The following PCBP3 variants were observed in gnomAD, a reference collection of about 807,000 sequenced individuals.
PCBP3 encodes poly(rC) binding protein 3.
In PCBP3, 25 loss-of-function variants were observed where a neutral mutation model predicts 52.7. The observed-to-expected ratio is 0.47, with a 90% CI of 0.35 to 0.66. PCBP3 has a LOEUF of 0.66. PCBP3 is among the 30% of genes least tolerant of loss of function. PCBP3 has a pLI of 0.01. For synonymous variants in PCBP3, 162 were observed against 183.0 expected (o/e 0.89, Z 0.93); for missense variants, 391 against 490.3 (o/e 0.80, Z 1.91).
At chr21:45,926,782 TAGA>T (rs1486292889) in intron 13 of PCBP3, among the ~76,000 whole-genome samples, 1 of 150,776 alleles carries the variant, frequency 6.6e-6, no homozygotes, top group Non-Finnish European at 1.5e-5. Context: ...GGAGAAAATA[TAGA>T]AGAATGTCCT....
intron 4 of PCBP3, among the ~76,000 whole-genome samples, chr21:45,841,945 G>C (rs1472640105): frequency 1.3e-5 from 2 of 152,232 alleles, no homozygotes; most frequent in Non-Finnish European, 2.9e-5. Context: ...TCCACGCTGA[G>C]CTGTTTGTTG....
chr21:45,736,887 G>T lies in PCBP3; in HGVS notation c.-162+1458G>T, dbSNP rs1329230870. Among the ~76,000 whole-genome samples the T allele has an allele frequency of 6.6e-6, 1 of 152,150 alleles. No homozygotes were observed. Among genetic ancestry groups the T allele is most frequent in the Non-Finnish European group, 1.5e-5 (1 of 68,024 alleles). ...GTCAGGGGGTGACAGTGGCTGTGGA[G>T]GAAACAGGGAAGGGCAGGGTGTGGG... On this transcript the variant is annotated intron_variant, in intron 3 of 17. Transcript: ENST00000681687. This position sits in a 1 kb window ranked among gnomAD's most constrained non-coding sequence, Gnocchi z 4.6.
intron 2 of PCBP3, among the ~76,000 whole-genome samples, chr21:45,685,502 T>C (rs1034576782): frequency 2.0e-5 from 3 of 152,194 alleles, no homozygotes; most frequent in Non-Finnish European, 2.9e-5. Context: ...AGGATAGGAC[T>C]TATCCTTCTG....
intron 12 of PCBP3, chr21:45,916,239 G>A (rs935066471): frequency 6.6e-6 from 1 of 152,268 alleles, no homozygotes; most frequent in Non-Finnish European, 1.5e-5. Flanking sequence ...GCGCTGAGGG[G>A]GCGGCTCCCA....
chr21:45,778,196 GGT>G (rs2145971893), intron 4 of PCBP3, among the ~76,000 whole-genome samples: 1 of 152,248 alleles, frequency 6.6e-6, no homozygotes, highest in African/African-American at 2.4e-5. Context: ...CAGCATTGGT[GGT>G]GTCTGTGATT....
At chr21:45,804,979 G>A (rs1373633569) in intron 4 of PCBP3, among the ~76,000 whole-genome samples, 1 of 152,124 alleles carries the variant, frequency 6.6e-6, no homozygotes, top group African/African-American at 2.4e-5. Context: ...GGGCCTCACG[G>A]GAGGGTGTCA....
chr21:45,919,873 CA>C (rs1407460525), intron 13 of PCBP3, among the ~76,000 whole-genome samples: 1 of 152,098 alleles, frequency 6.6e-6, no homozygotes, highest in Non-Finnish European at 1.5e-5. Flanking sequence ...ATGTGTGTGG[CA>C]GGGGTGTGGG....
intron 2 of PCBP3, among the ~76,000 whole-genome samples, chr21:45,676,440 A>G (rs138659468): frequency 1.2e-4 from 19 of 152,156 alleles, no homozygotes; most frequent in African/African-American, 4.6e-4. Context: ...CATTTTTCCA[A>G]TAGCATTGCT....
chr21:45,895,559 A>G (rs1040891021), intron 5 of PCBP3, among the ~76,000 whole-genome samples: 5 of 152,204 alleles, frequency 3.3e-5, no homozygotes, highest in African/African-American at 9.7e-5. Context: ...TGAGGCCTTA[A>G]TTTTGCCCAG....
chr21:45,908,950 G>A (rs1335727809), intron 9 of PCBP3, among the ~76,000 whole-genome samples: 3 of 151,998 alleles, frequency 2.0e-5, no homozygotes, highest in Non-Finnish European at 4.4e-5. Context: ...GCCTGTCCCC[G>A]ACATCCCTGC....
At chr21:45,698,465 C>T (rs1209067162) in intron 2 of PCBP3, among the ~76,000 whole-genome samples, 3 of 152,250 alleles carry the variant, frequency 2.0e-5, no homozygotes, top group Non-Finnish European at 4.4e-5. Context: ...CATCACGTCT[C>T]AGAGCCTCAG....
At chr21:45,875,279 G>A (rs974894964) in intron 5 of PCBP3, among the ~76,000 whole-genome samples, 2 of 152,178 alleles carry the variant, frequency 1.3e-5, no homozygotes, top group Non-Finnish European at 2.9e-5. Context: ...TGGGGCTGGG[G>A]GCCCCTCCGT....
At chr21:45,775,440 C>A (rs2090182334) in intron 4 of PCBP3, among the ~76,000 whole-genome samples, 1 of 151,826 alleles carries the variant, frequency 6.6e-6, no homozygotes, top group African/African-American at 2.4e-5. Flanking sequence ...TTTTTAGAAA[C>A]AGGGTCTCAC....
At chr21:45,725,967 G>T (rs1181622217) in intron 2 of PCBP3, among the ~76,000 whole-genome samples, 1 of 152,190 alleles carries the variant, frequency 6.6e-6, no homozygotes, top group Non-Finnish European at 1.5e-5. Flanking sequence ...CAGGGCAGTG[G>T]ACAGCATGGC....
intron 1 of PCBP3, among the ~76,000 whole-genome samples, chr21:45,663,314 C>T (rs2080545216): frequency 6.6e-6 from 1 of 151,964 alleles, no homozygotes; most frequent in South Asian, 2.1e-4. Context: ...AATAACAGCG[C>T]AGCCTGGCAT....
rs561555941 is a variant in PCBP3 at position 45,738,905 on chromosome 21, C to T, written c.-162+3476C>T. Among the ~76,000 whole-genome samples the T allele has an allele frequency of 5.4e-3, 554 of 103,524 alleles. 8 individuals are homozygous for T. The highest frequency in any genetic ancestry group is 0.011 in the African/African-American group (277 of 25,706). 67.9% of individuals were successfully genotyped at this position (103,524 alleles called of 152,430 possible). ...TCATCAGCCCACCCCTTCCTGTCCACGATCCTCTGGGTGGCCCCCCCATCT... is the reference window on the plus strand; with the variant it reads ...TCATCAGCCCACCCCTTCCTGTCCATGATCCTCTGGGTGGCCCCCCCATCT... On this transcript the variant is annotated intron_variant, in intron 3 of 17. Transcript: ENST00000681687.
intron 13 of PCBP3, among the ~76,000 whole-genome samples, chr21:45,925,755 C>T (rs2075321363): frequency 6.6e-6 from 1 of 152,130 alleles, no homozygotes; most frequent in Non-Finnish European, 1.5e-5. Flanking sequence ...ATAGAAAATT[C>T]AGCTCACAAG....
intron 3 of PCBP3, among the ~76,000 whole-genome samples, chr21:45,752,674 G>A (rs1446467701): frequency 6.6e-6 from 1 of 151,768 alleles, no homozygotes; most frequent in Non-Finnish European, 1.5e-5. Context: ...TAAGTTCACT[G>A]CATTGTGGAC....
intron 1 of PCBP3, among the ~76,000 whole-genome samples, chr21:45,662,862 G>A (rs1029217180): frequency 6.6e-6 from 1 of 152,108 alleles, no homozygotes; most frequent in African/African-American, 2.4e-5. Flanking sequence ...GGTAGCGTCA[G>A]TGCCAAGGAA....
Sources: gnomAD v4.1 joint callset for allele counts (sites outside exome capture counted in the v4.1 genomes callset) on GRCh38, gnomAD v4.1.1 for gene constraint, Gnocchi (gnomAD v3.1) non-coding constraint, MANE v1.5 for transcripts, NCBI Gene and HGNC (gene_info 2026-07-23, HGNC 2026-07-21) for gene names.